PLRG1: variants seen among roughly 807,000 people sequenced by gnomAD.
PLRG1 encodes pleiotropic regulator 1, also known as pleiotropic regulator 1 (PRL1 homolog, Arabidopsis).
PLRG1 carries 28 observed loss-of-function variants against 74.9 expected under a neutral mutation model. The ratio of observed to expected loss-of-function variants is 0.37; its 90% CI spans 0.28 to 0.51. The LOEUF is 0.51. PLRG1 is among the 20% of genes least tolerant of loss of function. The pLI is 0.91. For missense variants in PLRG1, 445 were observed against 631.9 expected (o/e 0.70, Z 3.17); for synonymous variants, 197 against 212.4 (o/e 0.93, Z 0.63).
At position 154,542,293 on chromosome 4, in the gene PLRG1, A is replaced by G; in HGVS notation, c.595-14T>C. 1 of 1,553,378 alleles carries G rather than the reference A, an allele frequency of 6.4e-7. No homozygotes were observed. Among genetic ancestry groups the G allele is most frequent in the Non-Finnish European group, 8.9e-7 (1 of 1,124,702 alleles). ...CCCACTGATAACCTGTATAAAACAA[A>G]GTAGAATGGGCAGGCCAACGTAGAA... On this transcript the variant is annotated splice_polypyrimidine_tract_variant and intron_variant, in intron 7 of 14. Transcript: ENST00000499023.
At chr4:154,548,416 A>G (rs1460248757) in intron 2 of PLRG1, among the ~76,000 whole-genome samples, 3 of 152,196 alleles carry the variant, frequency 2.0e-5, no homozygotes, top group Non-Finnish European at 2.9e-5. Context: ...GCATTCCCAG[A>G]CTGGAGCTGG....
chr4:154,545,335 CAATAA>C (rs1206607107), intron 6 of PLRG1, among the ~76,000 whole-genome samples: 1 of 146,828 alleles, frequency 6.8e-6, no homozygotes, highest in Non-Finnish European at 1.5e-5. Context: ...GCAGATAAAT[CAATAA>C]AATAACTATA....
intron 4 of PLRG1, 56 bp from the exon 5 acceptor site, chr4:154,546,269 C>T: frequency 2.3e-6 from 2 of 873,986 alleles, no homozygotes; most frequent in Non-Finnish European, 3.8e-6. Context: ...CATTTACATG[C>T]ACTTAAAATA....
chr4:154,549,652 T>C, intron 1 of PLRG1: 1 of 456,222 alleles, frequency 2.2e-6, no homozygotes, highest in South Asian at 1.5e-5. Flanking sequence ...AAGAAAGGTA[T>C]GAACAACTTA....
intron 6 of PLRG1, among the ~76,000 whole-genome samples, chr4:154,544,880 A>T (rs1019363469): frequency 6.6e-6 from 1 of 152,208 alleles, no homozygotes; most frequent in Non-Finnish European, 1.5e-5. Flanking sequence ...TACTACAAAG[A>T]TTTAATAAGT....
chr4:154,541,306 G>GT (rs1729552295), intron 8 of PLRG1, among the ~76,000 whole-genome samples: 1 of 152,186 alleles, frequency 6.6e-6, no homozygotes, highest in East Asian at 1.9e-4. Context: ...TTCATACAAA[G>GT]TTTTTTAAAA....
At position 154,536,749 on chromosome 4, in the gene PLRG1, A is replaced by G; in HGVS notation, c.1486-5T>C. The G allele has an allele frequency of 6.8e-7, 1 of 1,469,800 alleles. No homozygotes were observed. The highest frequency in any genetic ancestry group is 9.3e-7 in the Non-Finnish European group (1 of 1,075,604). The allele number at this position is 1,469,800 out of a possible 1,614,324, so 91.0% of individuals were successfully genotyped here. A position where few individuals can be genotyped will look rare whatever the true frequency, so the allele number is the denominator to read the frequency against. On this transcript the variant is annotated splice_polypyrimidine_tract_variant and splice_region_variant and intron_variant, in intron 14 of 14. Coordinates refer to ENST00000499023, the MANE Select transcript of PLRG1 (RefSeq NM_002669.4). The stretch of plus-strand genomic sequence containing the variant: ...GACTGGATGAGTTTCTTCTGTCTAA[A>G]AATAGAAAAGTGAGTTAAAATAAAG...
intron 11 of PLRG1, 82 bp from the exon 12 acceptor site, chr4:154,539,295 C>A: frequency 1.2e-6 from 1 of 865,032 alleles, no homozygotes. Flanking sequence ...AAGCATTCTT[C>A]CAAAACACAT....
rs999968094 is a variant in PLRG1, at chr4:154,542,374, C to T, written c.595-95G>A. 7.0e-6 allele frequency: 5 copies of T among 712,690 alleles called. No homozygotes were observed. In the African/African-American group the frequency reaches 8.9e-5, roughly 13 times the overall value. 44.1% of individuals were successfully genotyped at this position (712,690 alleles called of 1,614,324 possible). ...CGAGTTTGAATTGCCCTCCCATCTT[C>T]AAATCATAAAAGATAATGACTATTA... is the stretch of plus-strand genomic sequence containing the variant. On this transcript the variant is annotated intron_variant, in intron 7 of 14. Coordinates refer to ENST00000499023, the MANE Select transcript of PLRG1 (RefSeq NM_002669.4).
chr4:154,547,133 G>A (rs916340457), intron 3 of PLRG1, 69 bp from the exon 4 acceptor site: 1 of 1,099,938 alleles, frequency 9.1e-7, no homozygotes, highest in Non-Finnish European at 1.4e-6. Flanking sequence ...CTCTTTAAAT[G>A]TATCAAGTAA....
chr4:154,536,378 T>A lies in PLRG1; in HGVS notation c.*307A>T, dbSNP rs7685666. On this transcript the variant is annotated 3_prime_UTR_variant, in exon 15 of 15. Coordinates refer to ENST00000499023, the MANE Select transcript of PLRG1 (RefSeq NM_002669.4). ...AATTATCGGTTTCATACATTTTTTT[T>A]AAAAAAGGGGGTTTTCTAATAAGAC... The A allele has an allele frequency of 0.31, 59,529 of 190,850 alleles. 9,684 individuals are homozygous for A. Among genetic ancestry groups the A allele is most frequent in the Admixed American group, 0.4 (6,486 of 16,388 alleles). 11.8% of individuals were successfully genotyped at this position (190,850 alleles called of 1,614,324 possible).
At chr4:154,540,477 T>C (rs923840350) in intron 10 of PLRG1, 117 bp downstream of exon 10, 10 of 710,332 alleles carry the variant, frequency 1.4e-5, no homozygotes, top group African/African-American at 1.1e-4. Flanking sequence ...AGGATATTGA[T>C]GACTCAAGAC....
At chr4:154,543,449 T>A (rs1729591625) in intron 7 of PLRG1, among the ~76,000 whole-genome samples, 2 of 152,186 alleles carry the variant, frequency 1.3e-5, no homozygotes, top group Non-Finnish European at 2.9e-5. Context: ...ATGCCTGGCC[T>A]ACACACTGTA....
chr4:154,536,845 G>T, intron 14 of PLRG1, 101 bp from the exon 15 acceptor site: 1 of 650,488 alleles, frequency 1.5e-6, no homozygotes. Context: ...ATTATTCATT[G>T]GCTTTATACA....
At chr4:154,549,658 A>G (rs1004040631) in intron 1 of PLRG1, 8 of 456,170 alleles carry the variant, frequency 1.8e-5, no homozygotes, top group Non-Finnish European at 2.6e-5. Flanking sequence ...GGTATGAACA[A>G]CTTACGTTTT....
intron 6 of PLRG1, 48 bp from the exon 7 acceptor site, chr4:154,544,594 G>C (rs1187714045): frequency 1.1e-6 from 1 of 951,926 alleles, no homozygotes; most frequent in East Asian, 2.6e-5. Flanking sequence ...CATACCTAAG[G>C]CTTCATGATA....
chr4:154,539,143 G>A lies in PLRG1; in HGVS notation c.1113C>T (p.His371=). 1 of 1,610,652 alleles carries A rather than the reference G, an allele frequency of 6.2e-7. No individual in the cohort carries two copies. Among genetic ancestry groups the A allele is most frequent in the Non-Finnish European group, 8.5e-7 (1 of 1,177,040 alleles). The part of the protein sequence containing the change: ...AGKTRVTLTN[H]KKSVRAVVLH... ...AAACCACAGCCCTAACTGATTTTTT[G>A]TGATTTGTTAATGTCACTCTTGTTT... is the stretch of plus-strand genomic sequence containing the variant. Residue 371 remains histidine (H), a synonymous_variant, in exon 12 of 15, where the codon CAC becomes CAT. Transcript: ENST00000499023.
intron 3 of PLRG1, 130 bp downstream of exon 3, chr4:154,547,581 T>C (rs1729681138): frequency 1.3e-6 from 1 of 756,472 alleles, no homozygotes; most frequent in South Asian, 1.6e-5. Flanking sequence ...TCCATTATAA[T>C]ACAGGTACGG....
At chr4:154,541,106 C>A (rs75780078) in intron 8 of PLRG1, among the ~76,000 whole-genome samples, 172 bp from the exon 9 acceptor site, 1 of 151,964 alleles carries the variant, frequency 6.6e-6, no homozygotes, top group East Asian at 1.9e-4. Context: ...AAGAAAAAAA[C>A]TGGCATGCTC....
Sources: gnomAD v4.1 joint callset for allele counts (sites outside exome capture counted in the v4.1 genomes callset) on GRCh38, gnomAD v4.1.1 for gene constraint, MANE v1.5 for transcripts, NCBI Gene and HGNC (gene_info 2026-07-23, HGNC 2026-07-21) for gene names.